Variants in PLEKHH2 observed in about 807,000 individuals in gnomAD.
PLEKHH2 encodes the protein pleckstrin homology domain-containing family H member 2.
PLEKHH2 carries 129 observed loss-of-function variants against 187.9 expected under a neutral mutation model. The ratio of observed to expected loss-of-function variants is 0.69; its 90% CI spans 0.59 to 0.79. The LOEUF is 0.79. PLEKHH2 is among the 30% of genes least tolerant of loss of function. PLEKHH2 has a pLI of 0.00. For synonymous variants in PLEKHH2, 686 were observed against 605.6 expected (o/e 1.13, Z -1.95); for missense variants, 2,076 against 1,751.2 (o/e 1.19, Z -3.31).
chr2:43,687,775 C>T (rs1461054973), intron 3 of PLEKHH2, among the ~76,000 whole-genome samples: 1 of 151,840 alleles, frequency 6.6e-6, no homozygotes, highest in Non-Finnish European at 1.5e-5. Context: ...TCTTGGCTGC[C>T]TGTATATCTT....
chr2:43,667,370 A>T (rs1667268485), intron 2 of PLEKHH2, among the ~76,000 whole-genome samples: 1 of 152,206 alleles, frequency 6.6e-6, no homozygotes, highest in African/African-American at 2.4e-5. Context: ...ACTGTGGAAA[A>T]CAGTTGGGTA....
chr2:43,762,003 T>C (rs1672448126), intron 27 of PLEKHH2, among the ~76,000 whole-genome samples: 1 of 152,036 alleles, frequency 6.6e-6, no homozygotes, highest in African/African-American at 2.4e-5. Context: ...AAAAGTAAAA[T>C]ATAAACATTA....
Position 43,699,695 on chromosome 2 carries a change from A to G in PLEKHH2, c.737A>G (p.Asn246Ser). The stretch of plus-strand genomic sequence containing the variant: ...GTTGATAACCAAGTTCTAGAAAACA[A>G]CAGAGGCCAGAGAACATTGCATCAA... ...KSVDNQVLEN[N>S]RGQRTLHQTP... The change falls in exon 8 of 30, where the codon AAC becomes AGC. Residue 246 changes from asparagine (N) to serine (S), a missense_variant. By Grantham distance (46) the Asn-to-Ser change is conservative. Coordinates refer to ENST00000282406, the MANE Select transcript of PLEKHH2 (RefSeq NM_172069.4). The G allele has an allele frequency of 1.2e-6, 2 of 1,614,170 alleles. No individual in the cohort carries two copies. The highest frequency in any genetic ancestry group is 1.7e-6 in the Non-Finnish European group (2 of 1,179,996).
chr2:43,640,466 T>A (rs1558398003), intron 1 of PLEKHH2, among the ~76,000 whole-genome samples: 1 of 152,200 alleles, frequency 6.6e-6, no homozygotes, highest in Non-Finnish European at 1.5e-5. Context: ...ACTGTTGGGA[T>A]TACAGGCGTG....
chr2:43,755,646 C>T (rs904096949), intron 25 of PLEKHH2, among the ~76,000 whole-genome samples: 1 of 152,144 alleles, frequency 6.6e-6, no homozygotes, highest in African/African-American at 2.4e-5. Flanking sequence ...GCTGACATAG[C>T]TTGAGAGCCA....
At chr2:43,744,867 C>CAAAAAAAAAA (rs774106764) in intron 23 of PLEKHH2, among the ~76,000 whole-genome samples, 8 of 82,748 alleles carry the variant, frequency 9.7e-5, no homozygotes, top group Non-Finnish European at 1.3e-4. Flanking sequence ...GACTGTCTCA[C>CAAAAAAAAAA]AAAAAAAAAA....
intron 2 of PLEKHH2, among the ~76,000 whole-genome samples, chr2:43,668,663 A>G (rs555365512): frequency 6.6e-6 from 1 of 152,306 alleles, no homozygotes; most frequent in Non-Finnish European, 1.5e-5. Flanking sequence ...GTCAGAGTAG[A>G]ACTACAGGAT....
chr2:43,758,423 T>C (rs1270607265), intron 26 of PLEKHH2, among the ~76,000 whole-genome samples: 1 of 152,148 alleles, frequency 6.6e-6, no homozygotes, highest in Non-Finnish European at 1.5e-5. Context: ...TGGCTTATTT[T>C]TGTATTTTTA....
At chr2:43,727,175 A>T (rs2104561467) in intron 17 of PLEKHH2, among the ~76,000 whole-genome samples, 1 of 152,286 alleles carries the variant, frequency 6.6e-6, no homozygotes, top group Non-Finnish European at 1.5e-5. Context: ...GCACTTCGGG[A>T]GGCCGAGGCG....
chr2:43,720,376 C>G (rs1670424376), intron 15 of PLEKHH2, among the ~76,000 whole-genome samples: 2 of 151,674 alleles, frequency 1.3e-5, no homozygotes, highest in African/African-American at 4.8e-5. Context: ...GTTTGGAGTA[C>G]AGATCCCATC....
chr2:43,700,388 G>A lies in PLEKHH2; in HGVS notation c.1430G>A (p.Ser477Asn). The A allele has an allele frequency of 6.2e-7, 1 of 1,613,976 alleles. No individual in the cohort carries two copies. Among genetic ancestry groups the A allele is most frequent in the Non-Finnish European group, 8.5e-7 (1 of 1,179,988 alleles). Residue 477 changes from serine (S) to asparagine (N), a missense_variant, in exon 8 of 30, where the codon AGC becomes AAC. Transcript: ENST00000282406. ...TTTGGTACAAATAGAAACGCTATAA[G>A]CATGATACGACCACTGAGACCTCAG... is the stretch of plus-strand genomic sequence containing the variant. Reference protein sequence around the residue: ...RMFGTNRNAISMIRPLRPQET... With the variant: ...RMFGTNRNAINMIRPLRPQET...
At chr2:43,686,939 C>T (rs377223122) in intron 3 of PLEKHH2, among the ~76,000 whole-genome samples, 49 of 151,542 alleles carry the variant, frequency 3.2e-4, no homozygotes, top group Non-Finnish European at 5.6e-4. Flanking sequence ...TCCTTATTTA[C>T]AGCCTTATAT....
intron 2 of PLEKHH2, among the ~76,000 whole-genome samples, chr2:43,652,355 T>C (rs541410582): frequency 6.6e-6 from 1 of 152,286 alleles, no homozygotes; most frequent in African/African-American, 2.4e-5. Context: ...ATTTGGCCCT[T>C]AGAAGGAGGA....
chr2:43,718,260 C>T (rs989261343), intron 15 of PLEKHH2, among the ~76,000 whole-genome samples: 2 of 152,088 alleles, frequency 1.3e-5, no homozygotes, highest in Non-Finnish European at 2.9e-5. Context: ...AAATTCTAGG[C>T]CAGGCACAGT....
intron 16 of PLEKHH2, among the ~76,000 whole-genome samples, chr2:43,725,272 A>G (rs1430784835): frequency 6.6e-6 from 1 of 152,012 alleles, no homozygotes; most frequent in Non-Finnish European, 1.5e-5. Flanking sequence ...GTTTGTTGCC[A>G]TCTTCTTGCA....
chr2:43,679,490 T>C, intron 3 of PLEKHH2: 1 of 349,122 alleles, frequency 2.9e-6, no homozygotes, highest in Admixed American at 3.9e-5. Flanking sequence ...GAATGATTTT[T>C]TCCCTTTTTT....
chr2:43,655,329 G>A (rs998808600), intron 2 of PLEKHH2, among the ~76,000 whole-genome samples: 1 of 152,154 alleles, frequency 6.6e-6, no homozygotes, highest in Non-Finnish European at 1.5e-5. Context: ...AGTGGTGGGG[G>A]ATTTGGTGAA....
rs1669719839 is a variant in PLEKHH2 at position 43,707,487 on chromosome 2, G to T, written c.1908G>T (p.Thr636=). The T allele has an allele frequency of 1.2e-6, 2 of 1,614,134 alleles. No homozygotes were observed. Among genetic ancestry groups the T allele is most frequent in the South Asian group, 1.1e-5 (1 of 91,084 alleles). ...ACAGCTCCAGATCCAGCTCCCGGAC[G>T]TCAGAGTCAGACTCACGCAGTAGGA... The part of the protein sequence containing the change: ...EEDSSRSSSR[T]SESDSRSRSG... The change falls in exon 11 of 30, where the codon ACG becomes ACT. Residue 636 remains threonine, a synonymous_variant. Coordinates refer to ENST00000282406, the MANE Select transcript of PLEKHH2 (RefSeq NM_172069.4).
intron 3 of PLEKHH2, among the ~76,000 whole-genome samples, chr2:43,683,888 C>T (rs1242216359): frequency 6.6e-6 from 1 of 151,970 alleles, no homozygotes; most frequent in Non-Finnish European, 1.5e-5. Context: ...ATTTTTAGAG[C>T]AGTTTCAGAT....
Sources: allele counts gnomAD v4.1 joint callset (sites outside exome capture counted in the v4.1 genomes callset), GRCh38; gene constraint gnomAD v4.1.1; transcripts MANE v1.5; gene names NCBI Gene and HGNC (gene_info 2026-07-23, HGNC 2026-07-21).